The following KCNJ6 variants were observed in gnomAD, a reference collection of about 807,000 sequenced individuals.
The protein encoded by KCNJ6 is potassium inwardly rectifying channel subfamily J member 6.
Under a neutral mutation model 34.2 loss-of-function variants are expected in KCNJ6, and 9 were observed. The ratio of observed to expected loss-of-function variants is 0.26; its 90% CI spans 0.16 to 0.46. The LOEUF (loss-of-function observed/expected upper bound fraction) is 0.46. Ranked by LOEUF, KCNJ6 falls within the 20% of genes least tolerant of loss-of-function variation. The pLI, the probability that KCNJ6 is intolerant of heterozygous loss-of-function variation, is 1.00. For synonymous variants in KCNJ6, 196 were observed against 207.1 expected (o/e 0.95, Z 0.46); for missense variants, 236 against 531.3 (o/e 0.44, Z 5.46).
chr21:37,720,043 C>A (rs2054816507), intron 2 of KCNJ6, among the ~76,000 whole-genome samples: 1 of 151,640 alleles, frequency 6.6e-6, no homozygotes, highest in Admixed American at 6.6e-5. Context: ...AATGTACCTG[C>A]AAAGTCAAAG....
intron 1 of KCNJ6, among the ~76,000 whole-genome samples, chr21:37,856,997 T>C (rs2055568605): frequency 6.6e-6 from 1 of 152,194 alleles, no homozygotes; most frequent in African/African-American, 2.4e-5. Context: ...TTCTGAGCCT[T>C]GAGGTGCCGA....
intron 2 of KCNJ6, among the ~76,000 whole-genome samples, chr21:37,731,627 T>C (rs1300230905): frequency 2.6e-5 from 4 of 152,166 alleles, no homozygotes; most frequent in Non-Finnish European, 5.9e-5. Context: ...TCTTGGGTGA[T>C]TGCTCTAAGT....
intron 2 of KCNJ6, among the ~76,000 whole-genome samples, chr21:37,730,114 G>A (rs1455118519): frequency 6.6e-6 from 1 of 152,204 alleles, no homozygotes; most frequent in Non-Finnish European, 1.5e-5. Context: ...CCTTCTGAGA[G>A]CAAGAAGAAA....
chr21:37,724,492 A>G (rs1462929711), intron 2 of KCNJ6, among the ~76,000 whole-genome samples: 2 of 152,154 alleles, frequency 1.3e-5, no homozygotes, highest in Non-Finnish European at 2.9e-5. Context: ...GGAGGCAGCC[A>G]TGGGAGTGAA....
chr21:37,669,965 CCT>C (rs2054534416), intron 3 of KCNJ6, among the ~76,000 whole-genome samples: 1 of 152,120 alleles, frequency 6.6e-6, no homozygotes, highest in Non-Finnish European at 1.5e-5. Context: ...AAGATTTACC[CCT>C]GTGTTTTCTT....
chr21:37,778,635 C>G (rs1294211742), intron 2 of KCNJ6, among the ~76,000 whole-genome samples: 2 of 152,050 alleles, frequency 1.3e-5, no homozygotes, highest in Non-Finnish European at 2.9e-5. Flanking sequence ...TTGGGTGGGA[C>G]TTTCAGGTCC....
intron 2 of KCNJ6, among the ~76,000 whole-genome samples, chr21:37,718,718 T>C (rs1381717609): frequency 1.3e-5 from 2 of 152,064 alleles, no homozygotes; most frequent in Non-Finnish European, 2.9e-5. Context: ...CTAATGTAAA[T>C]GACAAGTTGA....
At chr21:37,813,568 G>A in intron 2 of KCNJ6, among the ~76,000 whole-genome samples, 1 of 152,096 alleles carries the variant, frequency 6.6e-6, no homozygotes, top group East Asian at 1.9e-4. Context: ...ATAGATCAAT[G>A]GAACAGAATA....
intron 2 of KCNJ6, among the ~76,000 whole-genome samples, chr21:37,728,674 G>A (rs2054868008): frequency 7.5e-6 from 1 of 133,486 alleles, no homozygotes; most frequent in Admixed American, 7.5e-5. Context: ...ATGCCTCTGG[G>A]TAGGTATGTG....
At chr21:37,840,307 A>G (rs1436022452) in intron 2 of KCNJ6, among the ~76,000 whole-genome samples, 1 of 152,240 alleles carries the variant, frequency 6.6e-6, no homozygotes, top group Non-Finnish European at 1.5e-5. Flanking sequence ...AGCCCGTGGA[A>G]TAGATGCCCA....
intron 1 of KCNJ6, among the ~76,000 whole-genome samples, chr21:37,870,039 T>A (rs2055642446): frequency 6.6e-6 from 1 of 152,124 alleles, no homozygotes; most frequent in African/African-American, 2.4e-5. Flanking sequence ...CCTGGGAGGA[T>A]GAAGGGAAGG....
At chr21:37,803,143 TTA>T (rs2055277540) in intron 2 of KCNJ6, among the ~76,000 whole-genome samples, 1 of 152,202 alleles carries the variant, frequency 6.6e-6, no homozygotes, top group African/African-American at 2.4e-5. Context: ...ACGTTGAAAA[TTA>T]TGTTTTCTTC....
chr21:37,648,256 CTACA>C (rs2054414832), intron 3 of KCNJ6, among the ~76,000 whole-genome samples: 1 of 152,164 alleles, frequency 6.6e-6, no homozygotes, highest in Non-Finnish European at 1.5e-5. Flanking sequence ...GGAGCTCTGT[CTACA>C]GAGCTGTGGG....
intron 2 of KCNJ6, among the ~76,000 whole-genome samples, chr21:37,756,846 T>C (rs2055030317): frequency 1.4e-5 from 2 of 142,062 alleles, no homozygotes; most frequent in Non-Finnish European, 1.6e-5. Context: ...CAGCCCAGAG[T>C]GAGCACTCTC....
chr21:37,870,590 TTTG>T (rs1287996705), intron 1 of KCNJ6, among the ~76,000 whole-genome samples: 1 of 151,890 alleles, frequency 6.6e-6, no homozygotes, highest in East Asian at 1.9e-4. Flanking sequence ...AATTCAAAAT[TTTG>T]TTTTTTTTGG....
chr21:37,744,583 G>C (rs1188135765), intron 2 of KCNJ6, among the ~76,000 whole-genome samples: 2 of 152,214 alleles, frequency 1.3e-5, no homozygotes, highest in African/African-American at 4.8e-5. Flanking sequence ...ATCTTTCACT[G>C]ATGGTAATAA....
intron 2 of KCNJ6, among the ~76,000 whole-genome samples, chr21:37,798,351 C>T (rs1433389409): frequency 6.6e-6 from 1 of 152,164 alleles, no homozygotes; most frequent in East Asian, 1.9e-4. Context: ...TTCCCACTAG[C>T]CTCATGTCCC....
At chr21:37,900,839 C>A (rs781688302) in intron 1 of KCNJ6, among the ~76,000 whole-genome samples, 1 of 152,034 alleles carries the variant, frequency 6.6e-6, no homozygotes, top group Admixed American at 6.6e-5. Context: ...GACAATGAGC[C>A]CAAAGAAATC....
chr21:37,712,675 CCTCCTTCCTCCCCTTCTCCTCCT>C (rs1289034393), intron 3 of KCNJ6, among the ~76,000 whole-genome samples: 2 of 103,538 alleles, frequency 1.9e-5, no homozygotes, highest in Non-Finnish European at 2.0e-5. Flanking sequence ...CTTTCTCTTC[CCTCCTTCCTCCCCTTCTCCTCCT>C]CTCCTTCCTC....
Sources: gnomAD v4.1 joint callset for allele counts (sites outside exome capture counted in the v4.1 genomes callset) on GRCh38, gnomAD v4.1.1 for gene constraint, MANE v1.5 for transcripts, NCBI Gene and HGNC (gene_info 2026-07-23, HGNC 2026-07-21) for gene names.